The following PLAGL2 variants were observed in gnomAD, a reference collection of about 807,000 sequenced individuals.
The protein encoded by PLAGL2 is PLAG1 like zinc finger 2, also known as zinc finger protein PLAGL2.
Under a neutral mutation model 29.0 loss-of-function variants are expected in PLAGL2, and 7 were observed. The ratio of observed to expected loss-of-function variants is 0.24; its 90% CI spans 0.14 to 0.45. The LOEUF is 0.45. PLAGL2 is among the 20% of genes least tolerant of loss of function. The pLI is 0.99. For synonymous variants in PLAGL2, 234 were observed against 266.0 expected, an observed-to-expected ratio of 0.88 and a Z score of 1.17; for missense variants, 454 against 648.2, an observed-to-expected ratio of 0.70 and a Z score of 3.25.
chr20:32,204,495 T>G lies in PLAGL2; in HGVS notation c.-114-2203A>C, dbSNP rs74963132. Among the ~76,000 whole-genome samples, 126 of 152,330 alleles carry G rather than the reference T, an allele frequency of 8.3e-4. 1 individual carries two copies. Among genetic ancestry groups the G allele is most frequent in the Non-Finnish European group, 1.2e-3 (85 of 68,026 alleles). On this transcript the variant is annotated intron_variant, in intron 1 of 2. Coordinates refer to ENST00000246229, the MANE Select transcript of PLAGL2 (RefSeq NM_002657.3). Reference sequence around the variant, plus strand: ...AACCAAAGGAGGAAAGCAGCAGCCATGTGCTCACCTTGATCTGCTTTTAAT... The same window carrying G: ...AACCAAAGGAGGAAAGCAGCAGCCAGGTGCTCACCTTGATCTGCTTTTAAT...
rs1001606112 is a variant in PLAGL2, at chr20:32,197,397, T to C, written c.546A>G (p.Val182=). The C allele has an allele frequency of 6.2e-7, 1 of 1,611,676 alleles. No individual in the cohort carries two copies. Among genetic ancestry groups the C allele is most frequent in the African/African-American group, 1.3e-5 (1 of 74,864 alleles). ...GCTTCTTCTCCTTGGCACCGCCTGC[T>C]ACCCGGCGTGAGTGGGCCTTCAGGT... The part of the protein sequence containing the change: ...LEHLKAHSRR[V]AGGAKEKKHP... Residue 182 remains valine (V), a synonymous_variant, in exon 3 of 3, where the codon GTA becomes GTG. Coordinates refer to ENST00000246229, the MANE Select transcript of PLAGL2 (RefSeq NM_002657.3). The surrounding 1 kb of genome is among the most constrained non-coding windows in gnomAD (Gnocchi z 6.6).
chr20:32,200,276 C>T lies in PLAGL2; in HGVS notation c.260+1643G>A, dbSNP rs141045002. On this transcript the variant is annotated intron_variant, in intron 2 of 2. Transcript: ENST00000246229. Reference sequence around the variant, plus strand: ...TTTTTGAGACGGAGTCTCGCTCTGTCGCCCAGGCTGGAGTGCAGTGGTGTG... The same window carrying T: ...TTTTTGAGACGGAGTCTCGCTCTGTTGCCCAGGCTGGAGTGCAGTGGTGTG... Among the ~76,000 whole-genome samples the T allele has an allele frequency of 2.3e-3, 355 of 152,298 alleles. 3 individuals are homozygous for T. Among genetic ancestry groups the T allele is most frequent in the African/African-American group, 8.1e-3 (337 of 41,562 alleles).
At chr20:32,205,682 A>T (rs760996124) in intron 1 of PLAGL2, among the ~76,000 whole-genome samples, 5 of 152,230 alleles carry the variant, frequency 3.3e-5, no homozygotes, top group Non-Finnish European at 5.9e-5. Flanking sequence ...AAAGCTAAAA[A>T]TACTTACCTC....
Position 32,202,280 on chromosome 20 carries a change from A to G in PLAGL2, c.-102T>C. The G allele has an allele frequency of 8.4e-7, 1 of 1,195,984 alleles. No homozygotes were observed. Among genetic ancestry groups the G allele is most frequent in the Non-Finnish European group, 1.2e-6 (1 of 838,630 alleles). The allele number at this position is 1,195,984 out of a possible 1,614,324, so 74.1% of individuals were successfully genotyped here. Reference sequence around the variant, plus strand: ...CAGCCTCCAACGCAGCTTTCAGAAAACAATCTCTTCACCTGAAACATCAGA... The same window carrying G: ...CAGCCTCCAACGCAGCTTTCAGAAAGCAATCTCTTCACCTGAAACATCAGA... On this transcript the variant is annotated 5_prime_UTR_variant, in exon 2 of 3. Coordinates refer to ENST00000246229, the MANE Select transcript of PLAGL2 (RefSeq NM_002657.3).
intron 1 of PLAGL2, among the ~76,000 whole-genome samples, chr20:32,207,005 T>C (rs903352604): frequency 5.9e-5 from 9 of 152,062 alleles, no homozygotes; most frequent in East Asian, 1.9e-4. Flanking sequence ...GGGATGGGGA[T>C]AGTCAGAAGT....
In PLAGL2 at chr20:32,196,403, T is replaced by C. The variant is rs1180369901; in HGVS notation, c.*49A>G. 1 of 1,370,442 alleles carries C rather than the reference T, an allele frequency of 7.3e-7. No individual in the cohort carries two copies. The highest frequency in any genetic ancestry group is 2.5e-5 in the East Asian group (1 of 39,856). 84.9% of individuals were successfully genotyped at this position (1,370,442 alleles called of 1,614,324 possible). A position where few individuals can be genotyped will look rare whatever the true frequency, so the allele number is the denominator to read the frequency against. ...TGGGGGACACAGACGGGGTGGGTACTAAGGCTCCATAACAGAGCCAAAAAC... is the reference window on the plus strand; with the variant it reads ...TGGGGGACACAGACGGGGTGGGTACCAAGGCTCCATAACAGAGCCAAAAAC... On this transcript the variant is annotated 3_prime_UTR_variant, in exon 3 of 3. Coordinates refer to ENST00000246229, the MANE Select transcript of PLAGL2 (RefSeq NM_002657.3).
chr20:32,197,757 G>GT lies in PLAGL2; in HGVS notation c.261-76dup. 4.0e-6 allele frequency: 5 copies of GT among 1,237,582 alleles called. No homozygotes were observed. The highest frequency in any genetic ancestry group is 5.7e-6 in the Non-Finnish European group (5 of 871,008). The allele number at this position is 1,237,582 out of a possible 1,614,324, so 76.7% of individuals were successfully genotyped here. A position where few individuals can be genotyped will look rare whatever the true frequency, so the allele number is the denominator to read the frequency against. ...ACAAGGGATGACTGGACAACCAAAG[G>GT]TGTCCATTAACAGGAAACTAGATAT... On this transcript the variant is annotated intron_variant, in intron 2 of 2. Coordinates refer to ENST00000246229, the MANE Select transcript of PLAGL2 (RefSeq NM_002657.3). The surrounding 1 kb of genome is among the most constrained non-coding windows in gnomAD (Gnocchi z 6.6).
At chr20:32,200,836 C>T (rs1271395109) in intron 2 of PLAGL2, among the ~76,000 whole-genome samples, 2 of 152,086 alleles carry the variant, frequency 1.3e-5, no homozygotes, top group African/African-American at 2.4e-5. Context: ...TCAAGTGATC[C>T]GCCCGCCTCA....
chr20:32,197,434 G>T lies in PLAGL2; in HGVS notation c.509C>A (p.Ala170Asp), dbSNP rs746404920. The T allele has an allele frequency of 3.1e-6, 5 of 1,612,514 alleles. No homozygotes were observed. In the Admixed American group the frequency reaches 8.3e-5, roughly 27 times the overall value. ...VCLQTFESTQ[A>D]LLEHLKAHSR... ...GTGGGCCTTCAGGTGCTCTAGCAGGGCCTGGGTACTCTCAAAGGTCTGCAG... is the reference window on the plus strand; with the variant it reads ...GTGGGCCTTCAGGTGCTCTAGCAGGTCCTGGGTACTCTCAAAGGTCTGCAG... The change falls in exon 3 of 3, where the codon GCC becomes GAC. Residue 170 changes from alanine (A) to aspartate (D), a missense_variant. Ala to Asp is a moderately radical substitution (Grantham distance 126, BLOSUM62 -2). Transcript: ENST00000246229. This position sits in a 1 kb window ranked among gnomAD's most constrained non-coding sequence, Gnocchi z 6.6.
rs1181666245 is a variant in PLAGL2, at chr20:32,197,652, G to C, written c.291C>G (p.Pro97=). 1 of 1,614,074 alleles carries C rather than the reference G, an allele frequency of 6.2e-7. No individual in the cohort carries two copies. Among genetic ancestry groups the C allele is most frequent in the South Asian group, 1.1e-5 (1 of 91,078 alleles). Residue 97 remains proline, a synonymous_variant, in exon 3 of 3, where the codon CCC becomes CCG. Transcript: ENST00000246229. This position sits in a 1 kb window ranked among gnomAD's most constrained non-coding sequence, Gnocchi z 6.6. ...TCTTATCACAGTACATACACTGGTG[G>C]GGTTTCTGGGCTGAGTGGGTGGCCA... is the stretch of plus-strand genomic sequence containing the variant. ...RHMATHSAQK[P]HQCMYCDKMF...
At chr20:32,205,356 C>G (rs1283321425) in intron 1 of PLAGL2, among the ~76,000 whole-genome samples, 1 of 152,170 alleles carries the variant, frequency 6.6e-6, no homozygotes, top group Non-Finnish European at 1.5e-5. Flanking sequence ...CGGCACATCC[C>G]CTTTAAAGAG....
Position 32,197,767 on chromosome 20 carries a change from A to G in PLAGL2, c.261-85T>C. 1 of 1,102,684 alleles carries G rather than the reference A, an allele frequency of 9.1e-7. No individual in the cohort carries two copies. The highest frequency in any genetic ancestry group is 2.4e-5 in the East Asian group (1 of 42,232). 68.3% of individuals were successfully genotyped at this position (1,102,684 alleles called of 1,614,324 possible). On this transcript the variant is annotated intron_variant, in intron 2 of 2. Coordinates refer to ENST00000246229, the MANE Select transcript of PLAGL2 (RefSeq NM_002657.3). This position sits in a 1 kb window ranked among gnomAD's most constrained non-coding sequence, Gnocchi z 6.6. The stretch of plus-strand genomic sequence containing the variant: ...ACTGGACAACCAAAGGTGTCCATTA[A>G]CAGGAAACTAGATATAAAAACCATG...
In PLAGL2 at chr20:32,202,214, A is replaced by C. The variant is rs772864591; in HGVS notation, c.-36T>G. On this transcript the variant is annotated 5_prime_UTR_variant, in exon 2 of 3. Coordinates refer to ENST00000246229, the MANE Select transcript of PLAGL2 (RefSeq NM_002657.3). ...ATGGCAAAGGGCCATGTTATTGAGA[A>C]AGCCTCCCCATCCGCTCCACACAGG... 1.5e-5 allele frequency: 24 copies of C among 1,607,452 alleles called. No individual in the cohort carries two copies. Among genetic ancestry groups the C allele is most frequent in the Non-Finnish European group, 2.0e-5 (24 of 1,175,286 alleles).
chr20:32,207,089 C>G (rs1036844208), intron 1 of PLAGL2, among the ~76,000 whole-genome samples: 4 of 152,100 alleles, frequency 2.6e-5, no homozygotes, highest in African/African-American at 9.7e-5. Context: ...GGAGTATGGC[C>G]ACTGAGGAGG....
At chr20:32,201,704 T>C (rs1600376461) in intron 2 of PLAGL2, among the ~76,000 whole-genome samples, 2 of 152,272 alleles carry the variant, frequency 1.3e-5, no homozygotes, top group Admixed American at 6.5e-5. Context: ...CCCAATACTT[T>C]GGGGAGGCAA....
chr20:32,195,201 A>C lies in PLAGL2; in HGVS notation c.*1251T>G, dbSNP rs773305858. 6.6e-6 allele frequency: 1 copy of C among 152,290 alleles called. No individual in the cohort carries two copies. The highest frequency in any genetic ancestry group is 2.4e-5 in the African/African-American group (1 of 41,448). The allele number at this position is 152,290 out of a possible 1,614,324, so 9.4% of individuals were successfully genotyped here. Reference sequence around the variant, plus strand: ...GATAAGGAAAATTTTGGTTTGGGACACAACAATGTACCCATAGATTAGGAC... The same window carrying C: ...GATAAGGAAAATTTTGGTTTGGGACCCAACAATGTACCCATAGATTAGGAC... On this transcript the variant is annotated 3_prime_UTR_variant, in exon 3 of 3. Transcript: ENST00000246229.
intron 1 of PLAGL2, among the ~76,000 whole-genome samples, chr20:32,203,808 T>C (rs1192983454): frequency 1.3e-5 from 2 of 152,208 alleles, no homozygotes; most frequent in Non-Finnish European, 2.9e-5. Flanking sequence ...ACCATTCCTC[T>C]TGTTGAAGAA....
Position 32,197,459 on chromosome 20 carries a change from G to C in PLAGL2, c.484C>G (p.Leu162Val). 1 of 1,613,092 alleles carries C rather than the reference G, an allele frequency of 6.2e-7. No homozygotes were observed. Among genetic ancestry groups the C allele is most frequent in the African/African-American group, 1.3e-5 (1 of 75,030 alleles). Residue 162 changes from leucine (L) to valine (V), a missense_variant, in exon 3 of 3, where the codon CTG (leucine) becomes GTG (valine). Coordinates refer to ENST00000246229, the MANE Select transcript of PLAGL2 (RefSeq NM_002657.3). This position sits in a 1 kb window ranked among gnomAD's most constrained non-coding sequence, Gnocchi z 6.6. ...SSGDLSCKVC[L>V]QTFESTQALL... ...GCCTGGGTACTCTCAAAGGTCTGCAGGCACACCTTGCAGCTGAGGTCACCG... is the reference window on the plus strand; with the variant it reads ...GCCTGGGTACTCTCAAAGGTCTGCACGCACACCTTGCAGCTGAGGTCACCG...
In PLAGL2 at chr20:32,201,818, C is replaced by A. The variant is rs2047260913; in HGVS notation, c.260+101G>T. The A allele has an allele frequency of 9.5e-6, 9 of 947,952 alleles. No homozygotes were observed. In the South Asian group the frequency reaches 1.5e-4, roughly 15 times the overall value. The allele number at this position is 947,952 out of a possible 1,614,324, so 58.7% of individuals were successfully genotyped here. A position where few individuals can be genotyped will look rare whatever the true frequency, so the allele number is the denominator to read the frequency against. On this transcript the variant is annotated intron_variant, in intron 2 of 2. Coordinates refer to ENST00000246229, the MANE Select transcript of PLAGL2 (RefSeq NM_002657.3). ...TATACTTGTAGGACAAATTAACCTC[C>A]ACTCTTCTGCCACAGATTAAAAACC...
Sources: allele counts gnomAD v4.1 joint callset (sites outside exome capture counted in the v4.1 genomes callset), GRCh38; gene constraint gnomAD v4.1.1; non-coding constraint Gnocchi (gnomAD v3.1); transcripts MANE v1.5; gene names NCBI Gene and HGNC (gene_info 2026-07-23, HGNC 2026-07-21).